Variants in UNC5C observed in about 807,000 individuals in gnomAD.
UNC5C encodes the protein unc-5 netrin receptor C.
Under a neutral mutation model 99.8 loss-of-function variants are expected in UNC5C, and 47 were observed. The ratio of observed to expected loss-of-function variants is 0.47; its 90% confidence interval spans 0.37 to 0.60. The LOEUF (loss-of-function observed/expected upper bound fraction) is 0.60, where lower values mean the gene tolerates loss of function less well. Ranked by LOEUF, UNC5C falls within the 20% of genes least tolerant of loss-of-function variation. UNC5C has a pLI of 0.00. For missense variants in UNC5C, 1,062 were observed against 1,165.9 expected, an observed-to-expected ratio of 0.91 and a Z score of 1.30; for synonymous variants, 487 against 452.2, an observed-to-expected ratio of 1.08 and a Z score of -0.98.
intron 1 of UNC5C, among the ~76,000 whole-genome samples, chr4:95,431,813 ACAG>A (rs1283935808): frequency 2.0e-5 from 3 of 152,104 alleles, no homozygotes; most frequent in Non-Finnish European, 4.4e-5. Flanking sequence ...ATGCTGAAAC[ACAG>A]GGGACTTAAG....
At chr4:95,331,245 A>G (rs1211073700) in intron 2 of UNC5C, among the ~76,000 whole-genome samples, 1 of 152,034 alleles carries the variant, frequency 6.6e-6, no homozygotes, top group African/African-American at 2.4e-5. Context: ...TTGATTCCCT[A>G]TCTTTGCTAT....
At chr4:95,480,692 G>A (rs887567848) in intron 1 of UNC5C, among the ~76,000 whole-genome samples, 7 of 151,998 alleles carry the variant, frequency 4.6e-5, no homozygotes, top group African/African-American at 1.7e-4. Context: ...TGGGATGCAA[G>A]CCTGGTTCAA....
At chr4:95,417,894 C>A (rs2149454781) in intron 1 of UNC5C, among the ~76,000 whole-genome samples, 1 of 152,264 alleles carries the variant, frequency 6.6e-6, no homozygotes, top group South Asian at 2.1e-4. Context: ...AATTGAAATT[C>A]ATTTTCCTGT....
intron 1 of UNC5C, among the ~76,000 whole-genome samples, chr4:95,415,561 T>G (rs1007879051): frequency 2.0e-5 from 3 of 152,142 alleles, no homozygotes; most frequent in African/African-American, 7.2e-5. Flanking sequence ...TATGTGCCAC[T>G]TTTCTTGTCT....
intron 6 of UNC5C, among the ~76,000 whole-genome samples, 197 bp downstream of exon 6, chr4:95,244,780 C>G (rs1739440937): frequency 6.6e-6 from 1 of 152,124 alleles, no homozygotes; most frequent in South Asian, 2.1e-4. Flanking sequence ...TACAATTTTG[C>G]ATGTTTTGGT....
At chr4:95,257,151 A>T (rs1740032462) in intron 4 of UNC5C, among the ~76,000 whole-genome samples, 2 of 152,090 alleles carry the variant, frequency 1.3e-5, no homozygotes, top group South Asian at 4.2e-4. Context: ...CCTCATCTCA[A>T]ACCCTCCTAA....
At chr4:95,411,600 G>T (rs1284450100) in intron 1 of UNC5C, among the ~76,000 whole-genome samples, 1 of 152,198 alleles carries the variant, frequency 6.6e-6, no homozygotes, top group Admixed American at 6.5e-5. Context: ...CAGGAAAAGT[G>T]CATGTATTTT....
intron 12 of UNC5C, among the ~76,000 whole-genome samples, chr4:95,191,327 C>G (rs1015336472): frequency 2.0e-5 from 3 of 152,174 alleles, no homozygotes; most frequent in African/African-American, 7.2e-5. Context: ...ACTGGGAGCC[C>G]CCAGGCAACA....
intron 2 of UNC5C, among the ~76,000 whole-genome samples, chr4:95,330,751 G>C (rs367877638): frequency 2.2e-4 from 33 of 152,126 alleles, no homozygotes; most frequent in African/African-American, 7.2e-4. Context: ...GCACTGGCTA[G>C]TAGATTAGAA....
At chr4:95,464,398 G>C (rs539433488) in intron 1 of UNC5C, among the ~76,000 whole-genome samples, 1 of 152,136 alleles carries the variant, frequency 6.6e-6, no homozygotes, top group Admixed American at 6.6e-5. Flanking sequence ...TGAGAACAGC[G>C]TCATTAAGAA....
chr4:95,312,900 A>T (rs1742325219), intron 2 of UNC5C, among the ~76,000 whole-genome samples: 1 of 152,102 alleles, frequency 6.6e-6, no homozygotes, highest in Non-Finnish European at 1.5e-5. Flanking sequence ...ACAGAAACTC[A>T]CCTCATCATG....
intron 1 of UNC5C, among the ~76,000 whole-genome samples, chr4:95,351,656 A>G (rs1022336051): frequency 6.6e-6 from 1 of 151,766 alleles, no homozygotes; most frequent in African/African-American, 2.4e-5. Context: ...CTGAACTCCT[A>G]CTGGGTTGAC....
intron 1 of UNC5C, among the ~76,000 whole-genome samples, chr4:95,448,234 G>GAGAGAGAGAGAGAGAGAC (rs1747174405): frequency 4.2e-5 from 6 of 143,360 alleles, no homozygotes; most frequent in African/African-American, 5.2e-5. Flanking sequence ...GTGTGAGAGA[G>GAGAGAGAGAGAGAGAGAC]AGAGAGAGAG....
intron 7 of UNC5C, among the ~76,000 whole-genome samples, chr4:95,235,456 T>A (rs1739073722): frequency 6.6e-6 from 1 of 152,198 alleles, no homozygotes; most frequent in African/African-American, 2.4e-5. Flanking sequence ...TGATGGTAGT[T>A]TCTTTTGCTG....
intron 2 of UNC5C, among the ~76,000 whole-genome samples, chr4:95,309,767 C>G (rs1188122165): frequency 1.3e-5 from 2 of 152,016 alleles, no homozygotes; most frequent in East Asian, 1.9e-4. Context: ...ATCAAAAAGA[C>G]AAAAGATAAC....
intron 1 of UNC5C, among the ~76,000 whole-genome samples, chr4:95,361,420 G>T (rs1744390087): frequency 6.6e-6 from 1 of 152,154 alleles, no homozygotes; most frequent in Non-Finnish European, 1.5e-5. Flanking sequence ...AAGATGAACT[G>T]CCACAAAAAG....
intron 7 of UNC5C, among the ~76,000 whole-genome samples, chr4:95,236,518 C>A (rs1385663231): frequency 1.3e-5 from 2 of 150,546 alleles, no homozygotes; most frequent in Non-Finnish European, 2.9e-5. Context: ...ACGAACGTGG[C>A]ACATGTATAC....
At chr4:95,479,397 C>A (rs1053963625) in intron 1 of UNC5C, among the ~76,000 whole-genome samples, 1 of 151,986 alleles carries the variant, frequency 6.6e-6, no homozygotes, top group Non-Finnish European at 1.5e-5. Context: ...AAAAATCATG[C>A]CAGAAGCAAG....
chr4:95,488,419 C>T (rs1211927114), intron 1 of UNC5C, among the ~76,000 whole-genome samples: 1 of 151,762 alleles, frequency 6.6e-6, no homozygotes, highest in African/African-American at 2.4e-5. Context: ...CTCTCCGTAG[C>T]TTTTTAAAGC....
Sources: allele counts gnomAD v4.1 joint callset (sites outside exome capture counted in the v4.1 genomes callset), GRCh38; gene constraint gnomAD v4.1.1; transcripts MANE v1.5; gene names NCBI Gene and HGNC (gene_info 2026-07-23, HGNC 2026-07-21).